CMTM8: variants seen among roughly 807,000 people sequenced by gnomAD.
CMTM8 encodes CKLF like MARVEL transmembrane domain containing 8.
A neutral mutation model predicts 18.6 loss-of-function variants in CMTM8; 12 were observed. That is an observed-to-expected ratio of 0.65 (90% CI 0.41 to 1.05). The LOEUF is 1.05. Among genes scored for constraint, CMTM8 ranks in the 50% least tolerant of loss-of-function variants. CMTM8 has a pLI of 0.00. For missense variants in CMTM8, 217 were observed against 227.2 expected, an observed-to-expected ratio of 0.95 and a Z score of 0.29; for synonymous variants, 87 against 90.6, an observed-to-expected ratio of 0.96 and a Z score of 0.23.
intron 1 of CMTM8, among the ~76,000 whole-genome samples, chr3:32,296,401 A>G (rs1021072071): frequency 6.6e-6 from 1 of 152,220 alleles, no homozygotes; most frequent in Non-Finnish European, 1.5e-5. Flanking sequence ...TACCTGGCAC[A>G]ATGAGTTATG....
intron 1 of CMTM8, among the ~76,000 whole-genome samples, chr3:32,283,499 C>G (rs762793013): frequency 1.3e-5 from 2 of 152,144 alleles, no homozygotes; most frequent in Non-Finnish European, 2.9e-5. Flanking sequence ...CTTCCTTCCC[C>G]ATGCATGAGC....
At chr3:32,315,361 C>T (rs1284324708) in intron 1 of CMTM8, among the ~76,000 whole-genome samples, 2 of 152,084 alleles carry the variant, frequency 1.3e-5, no homozygotes, top group East Asian at 3.8e-4. Context: ...AACTCCTCAC[C>T]TCAAGTGATC....
intron 1 of CMTM8, chr3:32,243,986 C>G (rs942042037): frequency 6.2e-6 from 1 of 160,198 alleles, no homozygotes; most frequent in Non-Finnish European, 1.4e-5. Flanking sequence ...ATTATAGCAG[C>G]AGGGATGAGT....
intron 3 of CMTM8, among the ~76,000 whole-genome samples, chr3:32,368,785 T>C (rs1697095485): frequency 6.6e-6 from 1 of 151,812 alleles, no homozygotes; most frequent in African/African-American, 2.4e-5. Flanking sequence ...TATATACTTC[T>C]GTTTGCATTT....
chr3:32,303,431 T>C (rs1695661503), intron 1 of CMTM8, among the ~76,000 whole-genome samples: 1 of 152,216 alleles, frequency 6.6e-6, no homozygotes, highest in Non-Finnish European at 1.5e-5. Flanking sequence ...CAGGGTCAAA[T>C]GTGTTGGTTT....
At position 32,357,432 on chromosome 3, in the gene CMTM8, A is replaced by G. The variant is rs1253188412; in HGVS notation, c.207A>G (p.Ala69=). 1.2e-6 allele frequency: 2 copies of G among 1,613,874 alleles called. No individual in the cohort carries two copies. Residue 69 remains alanine, a synonymous_variant, in exon 2 of 4, where the codon GCA becomes GCG. Transcript: ENST00000307526. ...IAGTEYFRVP[A]FGWVMFVAVF... ...GAACTGAGTACTTCCGGGTCCCCGC[A>G]TTTGGCTGGGTCATGTTTGTAGCTG...
intron 1 of CMTM8, among the ~76,000 whole-genome samples, chr3:32,310,453 C>T (rs114856476): frequency 1.1e-3 from 172 of 152,320 alleles, no homozygotes; most frequent in African/African-American, 4.0e-3. Context: ...GAGGCCTTGT[C>T]CTTGCCAATG....
chr3:32,251,343 TCACTCTGTTGCC>T (rs1702107668), intron 1 of CMTM8, among the ~76,000 whole-genome samples: 1 of 152,220 alleles, frequency 6.6e-6, no homozygotes, highest in Admixed American at 6.5e-5. Flanking sequence ...AGACAGGGTC[TCACTCTGTTGCC>T]CAGGCTGGAG....
intron 1 of CMTM8, among the ~76,000 whole-genome samples, chr3:32,276,299 C>G (rs528971202): frequency 6.6e-6 from 1 of 152,320 alleles, no homozygotes; most frequent in East Asian, 1.9e-4. Flanking sequence ...GAAAAGACTT[C>G]TCACCAAACC....
At chr3:32,345,407 C>A (rs964279588) in intron 1 of CMTM8, among the ~76,000 whole-genome samples, 4 of 152,052 alleles carry the variant, frequency 2.6e-5, no homozygotes, top group African/African-American at 9.7e-5. Flanking sequence ...AATCTGGTAC[C>A]ATTCCAAATA....
At chr3:32,273,087 A>G (rs575219401) in intron 1 of CMTM8, among the ~76,000 whole-genome samples, 4 of 151,924 alleles carry the variant, frequency 2.6e-5, no homozygotes, top group African/African-American at 9.6e-5. Flanking sequence ...AATTAAAAAG[A>G]CAGTAACAAG....
At chr3:32,342,063 C>A (rs1696508333) in intron 1 of CMTM8, among the ~76,000 whole-genome samples, 1 of 152,046 alleles carries the variant, frequency 6.6e-6, no homozygotes, top group Non-Finnish European at 1.5e-5. Context: ...GCCTGGCCAA[C>A]ATGGGGAAAC....
chr3:32,364,952 C>G (rs1697003803), intron 2 of CMTM8, among the ~76,000 whole-genome samples: 1 of 151,988 alleles, frequency 6.6e-6, no homozygotes, highest in African/African-American at 2.4e-5. Flanking sequence ...AGTGGGGCTG[C>G]TTTTTTTTCT....
intron 1 of CMTM8, among the ~76,000 whole-genome samples, chr3:32,241,252 T>TG (rs904245585): frequency 1.2e-4 from 19 of 152,326 alleles, no homozygotes; most frequent in African/African-American, 4.3e-4. Context: ...CTCTGAAAGA[T>TG]GAGGCTTTAG....
chr3:32,307,374 T>C (rs534002910), intron 1 of CMTM8, among the ~76,000 whole-genome samples: 160 of 152,100 alleles, frequency 1.1e-3, no homozygotes, highest in African/African-American at 3.7e-3. Context: ...CAACCTGACC[T>C]GGTGGCTGAC....
intron 1 of CMTM8, among the ~76,000 whole-genome samples, chr3:32,347,443 G>A (rs1026623634): frequency 4.0e-5 from 6 of 151,746 alleles, no homozygotes; most frequent in South Asian, 4.2e-4. Context: ...GCCACCCCCC[G>A]GCACAGCACT....
chr3:32,287,850 G>A (rs572624181), intron 1 of CMTM8, among the ~76,000 whole-genome samples: 5 of 152,184 alleles, frequency 3.3e-5, no homozygotes, highest in Non-Finnish European at 7.4e-5. Context: ...GGAGGCTGCT[G>A]GTAGGATTAT....
intron 2 of CMTM8, among the ~76,000 whole-genome samples, chr3:32,359,996 A>G (rs1475169886): frequency 6.6e-6 from 1 of 152,192 alleles, no homozygotes; most frequent in African/African-American, 2.4e-5. Flanking sequence ...AGCGGTAGGT[A>G]GGAACTACAA....
At chr3:32,365,754 T>A (rs1482118485) in intron 2 of CMTM8, among the ~76,000 whole-genome samples, 1 of 152,172 alleles carries the variant, frequency 6.6e-6, no homozygotes, top group Non-Finnish European at 1.5e-5. Context: ...GCGGAATTTT[T>A]AAATTACTAT....
Sources: gnomAD v4.1 joint callset for allele counts (sites outside exome capture counted in the v4.1 genomes callset) on GRCh38, gnomAD v4.1.1 for gene constraint, MANE v1.5 for transcripts, NCBI Gene and HGNC (gene_info 2026-07-23, HGNC 2026-07-21) for gene names.